The following NOMO1 variants were observed in gnomAD, a reference collection of about 807,000 sequenced individuals.
The protein encoded by NOMO1 is nodal modulator 3.
NOMO1 carries 40 observed loss-of-function variants against 133.8 expected under a neutral mutation model. The ratio of observed to expected loss-of-function variants is 0.30; its 90% CI spans 0.23 to 0.39. The LOEUF (loss-of-function observed/expected upper bound fraction) is 0.39, where lower values mean the gene tolerates loss of function less well. Ranked by LOEUF, NOMO1 falls within the 10% of genes least tolerant of loss-of-function variation. NOMO1 has a pLI of 1.00. For synonymous variants in NOMO1, 236 were observed against 570.5 expected (o/e 0.41, Z 8.36); for missense variants, 462 against 1,419.9 (o/e 0.33, Z 10.84).
Position 14,864,781 on chromosome 16 carries a change from G to T in NOMO1, c.1537+55G>T. The stretch of plus-strand genomic sequence containing the variant: ...TAGTTTCAAAGAAGTCAGCCGGTAG[G>T]AGTGGGATTTGGGAAACTTTTCCTT... On this transcript the variant is annotated intron_variant, in intron 13 of 30. Transcript: ENST00000287667. 5 of 1,613,338 alleles carry T rather than the reference G, an allele frequency of 3.1e-6. No homozygotes were observed. The South Asian group carries it at 4.4e-5, about 14-fold the overall frequency.
intron 12 of NOMO1, 53 bp from the exon 13 acceptor site, chr16:14,864,532 G>A (rs1033219105): frequency 6.1e-5 from 98 of 1,611,282 alleles, no homozygotes; most frequent in Non-Finnish European, 1.7e-5. Flanking sequence ...CTGTAGGTCA[G>A]GGGGAAGATC....
Position 14,884,494 on chromosome 16 carries a change from C to T in NOMO1, c.3222+12C>T. Reference sequence around the variant, plus strand: ...TTCCTACATTATGGGTAAGTCCAGACTTTTAAGCTCCAAGTATTGTGTTCC... The same window carrying T: ...TTCCTACATTATGGGTAAGTCCAGATTTTTAAGCTCCAAGTATTGTGTTCC... On this transcript the variant is annotated intron_variant, in intron 27 of 30. Transcript: ENST00000287667. 1.2e-6 allele frequency: 2 copies of T among 1,611,630 alleles called. No individual in the cohort carries two copies. Among genetic ancestry groups the T allele is most frequent in the African/African-American group, 2.7e-5 (2 of 74,826 alleles).
chr16:14,843,631 T>C (rs1213784691), intron 3 of NOMO1, among the ~76,000 whole-genome samples: 1 of 151,974 alleles, frequency 6.6e-6, no homozygotes, highest in East Asian at 1.9e-4. Context: ...TCCACTTTTT[T>C]GTATGTTTAT....
chr16:14,891,581 A>G (rs1370016816), intron 29 of NOMO1, among the ~76,000 whole-genome samples: 2 of 151,460 alleles, frequency 1.3e-5, no homozygotes, highest in Non-Finnish European at 2.9e-5. Context: ...AAATCTCTCT[A>G]TCCATTTGGA....
At chr16:14,855,478 A>G (rs1412239603) in intron 9 of NOMO1, among the ~76,000 whole-genome samples, 1 of 151,800 alleles carries the variant, frequency 6.6e-6, no homozygotes, top group African/African-American at 2.4e-5. Flanking sequence ...TTTTAATATT[A>G]CATTTGAAAG....
Position 14,884,436 on chromosome 16 carries a change from TA to T in NOMO1, c.3178del (p.Ser1060ValfsTer4), listed in dbSNP as rs745811490. ...IVFRQINQFD[L>X]SGNVITSSEY... ...TTCCGGCAGATTAATCAATTTGATT[TA>T]AGTGGAAATGTGATCACTTCCTCTG... On this transcript the variant is annotated frameshift_variant, in exon 27 of 31. Transcript: ENST00000287667. LOFTEE classifies it high-confidence loss of function. 1.2e-6 allele frequency: 2 copies of T among 1,611,492 alleles called. No homozygotes were observed. The highest frequency in any genetic ancestry group is 2.2e-5 in the South Asian group (2 of 90,924).
intron 26 of NOMO1, among the ~76,000 whole-genome samples, 165 bp downstream of exon 26, chr16:14,882,842 TG>T (rs1964264754): frequency 1.3e-5 from 2 of 151,994 alleles, no homozygotes; most frequent in Admixed American, 6.5e-5. Context: ...GCATCTTATG[TG>T]GGTTTTTAAT....
intron 2 of NOMO1, among the ~76,000 whole-genome samples, chr16:14,839,586 G>T (rs1963574848): frequency 6.7e-6 from 1 of 149,608 alleles, no homozygotes; most frequent in Admixed American, 6.6e-5. Flanking sequence ...ACATAGTTTT[G>T]ATTTTGATAT....
chr16:14,887,924 C>G (rs2151011771), intron 28 of NOMO1: 1 of 150,064 alleles, frequency 6.7e-6, no homozygotes, highest in East Asian at 2.0e-4. Context: ...TCGTGTAGAA[C>G]ACTTGCAGCT....
rs763139022 is a variant in NOMO1, at chr16:14,876,479, C to T, written c.2477C>T (p.Pro826Leu). 2.1e-5 allele frequency: 34 copies of T among 1,611,318 alleles called. 1 individual carries two copies. In the African/African-American group the frequency reaches 2.8e-4, roughly 13 times the overall value. Residue 826 changes from proline (P) to leucine (L), a missense_variant, in exon 21 of 31, where the codon CCG (proline) becomes CTG (leucine). By Grantham distance (98) the Pro-to-Leu change is moderately conservative. Coordinates refer to ENST00000287667, the MANE Select transcript of NOMO1 (RefSeq NM_014287.4). ...ATCAGTGAAAAGGGGGCAAGTTCAC[C>T]GCTGATCACAGTCTTTACTGATGAC... ...IVISEKGASS[P>L]LITVFTDDKG...
intron 26 of NOMO1, among the ~76,000 whole-genome samples, chr16:14,883,632 G>A (rs367717504): frequency 4.0e-5 from 6 of 151,450 alleles, no homozygotes; most frequent in African/African-American, 9.8e-5. Flanking sequence ...GCACTGGGCC[G>A]GAAGTGGATT....
chr16:14,859,457 TAATC>T (rs974920174), intron 11 of NOMO1, among the ~76,000 whole-genome samples: 112 of 152,054 alleles, frequency 7.4e-4, no homozygotes, highest in African/African-American at 2.7e-3. Context: ...ACCTAATAAT[TAATC>T]AAACTAGTGT....
intron 18 of NOMO1, among the ~76,000 whole-genome samples, chr16:14,873,793 C>T (rs1403190192): frequency 6.6e-6 from 1 of 151,768 alleles, no homozygotes; most frequent in Non-Finnish European, 1.5e-5. Flanking sequence ...TCGGATTCCC[C>T]CTGGGGATCT....
At chr16:14,883,790 G>A (rs1344332468) in intron 26 of NOMO1, among the ~76,000 whole-genome samples, 9 of 151,160 alleles carry the variant, frequency 6.0e-5, no homozygotes, top group Admixed American at 4.6e-4. Flanking sequence ...GAAAGGGAAG[G>A]GGGCCGGCCC....
intron 15 of NOMO1, among the ~76,000 whole-genome samples, chr16:14,867,171 TATA>T (rs1415105194): frequency 2.9e-4 from 6 of 20,902 alleles, no homozygotes; most frequent in African/African-American, 8.9e-4. Flanking sequence ...TATATATATA[TATA>T]TATTTTTTTT....
intron 13 of NOMO1, 63 bp downstream of exon 13, chr16:14,864,789 T>A (rs1963968973): frequency 4.3e-6 from 7 of 1,612,992 alleles, no homozygotes; most frequent in Non-Finnish European, 5.9e-6. Context: ...AGGAGTGGGA[T>A]TTGGGAAACT....
At chr16:14,865,937 G>GC in intron 14 of NOMO1, among the ~76,000 whole-genome samples, 1 of 117,334 alleles carries the variant, frequency 8.5e-6, no homozygotes, top group Non-Finnish European at 1.7e-5. Flanking sequence ...AAAGCATGTG[G>GC]CCTGCAAAAC....
intron 1 of NOMO1, among the ~76,000 whole-genome samples, chr16:14,836,888 G>T (rs1450810670): frequency 6.7e-6 from 1 of 150,186 alleles, no homozygotes; most frequent in Non-Finnish European, 1.5e-5. Flanking sequence ...TGTATTTTTA[G>T]TAGAGACGGG....
intron 6 of NOMO1, among the ~76,000 whole-genome samples, chr16:14,850,263 G>A (rs1963738779): frequency 6.6e-6 from 1 of 151,602 alleles, no homozygotes; most frequent in South Asian, 2.1e-4. Flanking sequence ...TAGGGACAGG[G>A]AGGATACAGT....
Sources: gnomAD v4.1 joint callset for allele counts (sites outside exome capture counted in the v4.1 genomes callset) on GRCh38, gnomAD v4.1.1 for gene constraint, MANE v1.5 for transcripts, NCBI Gene and HGNC (gene_info 2026-07-23, HGNC 2026-07-21) for gene names.